The following SEMA3A variants were observed in gnomAD, a reference collection of about 807,000 sequenced individuals.
SEMA3A encodes the protein semaphorin-3A.
A neutral mutation model predicts 97.9 loss-of-function variants in SEMA3A; 29 were observed. The observed-to-expected ratio is 0.30, with a 90% CI of 0.22 to 0.40. The LOEUF (loss-of-function observed/expected upper bound fraction) is 0.40. SEMA3A is among the 10% of genes least tolerant of loss of function. The pLI, the probability that SEMA3A is intolerant of heterozygous loss-of-function variation, is 1.00. For synonymous variants in SEMA3A, 321 were observed against 323.7 expected, an observed-to-expected ratio of 0.99 and a Z score of 0.09; for missense variants, 763 against 951.3, an observed-to-expected ratio of 0.80 and a Z score of 2.60.
chr7:84,180,943 G>T (rs1426563813), intron 1 of SEMA3A, among the ~76,000 whole-genome samples: 2 of 151,786 alleles, frequency 1.3e-5, no homozygotes, highest in African/African-American at 4.8e-5. Context: ...TCACTTATTG[G>T]TTCCCTTAAG....
intron 1 of SEMA3A, among the ~76,000 whole-genome samples, chr7:84,139,975 A>T (rs369130555): frequency 6.6e-6 from 1 of 152,040 alleles, no homozygotes; most frequent in African/African-American, 2.4e-5. Flanking sequence ...CATAATCTCT[A>T]ATGTATATTT....
In SEMA3A at chr7:84,236,170, T is replaced by C. The variant is rs143219905; in HGVS notation, c.-82-41502A>G. The stretch of plus-strand genomic sequence containing the variant: ...TTAAGTGCACCACTGGCCACTCTCC[T>C]TTGCTTGGGTTAAAAATTTTAGTTT... On this transcript the variant is annotated intron_variant, in intron 3 of 3. Transcript: ENST00000424555. 8.7e-4 allele frequency among the ~76,000 whole-genome samples: 132 copies of C among 152,208 alleles called. No individual in the cohort carries two copies. In the East Asian group the frequency reaches 0.017, roughly 19 times the overall value.
chr7:84,420,857 G>T (rs984554834), intron 1 of SEMA3A, among the ~76,000 whole-genome samples: 6 of 151,712 alleles, frequency 4.0e-5, no homozygotes, highest in African/African-American at 1.5e-4. Context: ...ATTTTTTATT[G>T]TGCCTATTTG....
intron 3 of SEMA3A, among the ~76,000 whole-genome samples, chr7:84,268,249 ATG>A (rs66460940): frequency 0.1 from 13,513 of 130,738 alleles, 728 homozygotes; most frequent in African/African-American, 0.16. Flanking sequence ...AGACATAAGC[ATG>A]TGTGTGTGTG....
chr7:84,151,987 A>G (rs1168133437), intron 1 of SEMA3A, among the ~76,000 whole-genome samples: 2 of 150,468 alleles, frequency 1.3e-5, no homozygotes, highest in Admixed American at 1.3e-4. Flanking sequence ...CAAAACCACA[A>G]TGAGATACCA....
chr7:84,160,575 C>T (rs1336869431), intron 1 of SEMA3A, among the ~76,000 whole-genome samples: 1 of 149,604 alleles, frequency 6.7e-6, no homozygotes, highest in Non-Finnish European at 1.5e-5. Flanking sequence ...TAAAAACAAA[C>T]AAACAAAAAA....
intron 4 of SEMA3A, among the ~76,000 whole-genome samples, chr7:84,083,585 C>A (rs1023595979): frequency 6.6e-6 from 1 of 151,884 alleles, no homozygotes; most frequent in East Asian, 1.9e-4. Context: ...TCCCATTAAC[C>A]ATTCCCTCTT....
At chr7:84,007,559 T>C (rs1790718366) in intron 9 of SEMA3A, 62 bp from the exon 10 acceptor site, 1 of 1,175,482 alleles carries the variant, frequency 8.5e-7, no homozygotes, top group African/African-American at 1.6e-5. Flanking sequence ...AGAGAAATAT[T>C]GATACTGAGT....
chr7:84,166,853 C>T (rs1360315082), intron 1 of SEMA3A, among the ~76,000 whole-genome samples: 2 of 125,240 alleles, frequency 1.6e-5, no homozygotes, highest in East Asian at 2.3e-4. Context: ...CCTGCCTGGA[C>T]GACAGAGTGA....
intron 6 of SEMA3A, among the ~76,000 whole-genome samples, chr7:84,023,807 G>A (rs1434835387): frequency 6.6e-6 from 1 of 151,968 alleles, no homozygotes. Context: ...TCAGGAGATC[G>A]AGACCATCCT....
chr7:84,337,634 AG>A (rs1187597660), intron 2 of SEMA3A, among the ~76,000 whole-genome samples: 1 of 152,092 alleles, frequency 6.6e-6, no homozygotes, highest in African/African-American at 2.4e-5. Context: ...CTTTGGAGGG[AG>A]GGATCATTGT....
At chr7:84,131,554 G>T (rs907899580) in intron 2 of SEMA3A, among the ~76,000 whole-genome samples, 1 of 152,038 alleles carries the variant, frequency 6.6e-6, no homozygotes, top group East Asian at 1.9e-4. Flanking sequence ...CTGAACATGT[G>T]TTTTTGCCTC....
At chr7:84,150,163 T>C (rs1205156487) in intron 1 of SEMA3A, among the ~76,000 whole-genome samples, 1 of 152,244 alleles carries the variant, frequency 6.6e-6, no homozygotes, top group Non-Finnish European at 1.5e-5. Context: ...TTTTTAACTT[T>C]ACCCTCAAAT....
chr7:84,109,793 G>A (rs954893024), intron 4 of SEMA3A, among the ~76,000 whole-genome samples: 1 of 152,142 alleles, frequency 6.6e-6, no homozygotes, highest in African/African-American at 2.4e-5. Context: ...TTACAAGAGG[G>A]TTTATAATTG....
chr7:84,367,588 AAG>A (rs1265820612), intron 2 of SEMA3A, among the ~76,000 whole-genome samples: 2 of 150,926 alleles, frequency 1.3e-5, no homozygotes, highest in Non-Finnish European at 3.0e-5. Flanking sequence ...ACTTCAGAGA[AAG>A]AAGACTGGAT....
chr7:84,378,033 C>G (rs191750272), intron 1 of SEMA3A, among the ~76,000 whole-genome samples: 14 of 152,156 alleles, frequency 9.2e-5, no homozygotes, highest in Admixed American at 9.2e-4. Flanking sequence ...CAAAGCCTTT[C>G]TCCTTGGCCA....
chr7:84,475,210 T>C (rs1401300541), intron 1 of SEMA3A, among the ~76,000 whole-genome samples: 1 of 152,060 alleles, frequency 6.6e-6, no homozygotes, highest in Non-Finnish European at 1.5e-5. Context: ...CAACCTGAAA[T>C]TTCCTAACAA....
At chr7:84,214,881 C>T (rs1455346816) in intron 3 of SEMA3A, among the ~76,000 whole-genome samples, 2 of 150,234 alleles carry the variant, frequency 1.3e-5, no homozygotes, top group African/African-American at 4.9e-5. Context: ...TTGTATTTTT[C>T]ATAGAGATGG....
At chr7:84,159,200 A>G (rs1475372769) in intron 1 of SEMA3A, among the ~76,000 whole-genome samples, 1 of 152,172 alleles carries the variant, frequency 6.6e-6, no homozygotes, top group African/African-American at 2.4e-5. Flanking sequence ...TACATAGTAC[A>G]TAGTGAACAG....
Sources: gnomAD v4.1 joint callset for allele counts (sites outside exome capture counted in the v4.1 genomes callset) on GRCh38, gnomAD v4.1.1 for gene constraint, MANE v1.5 for transcripts, NCBI Gene and HGNC (gene_info 2026-07-23, HGNC 2026-07-21) for gene names.